Variants in RGS12 observed in about 807,000 individuals in gnomAD.
The protein encoded by RGS12 is regulator of G-protein signaling 12.
A neutral mutation model predicts 120.1 loss-of-function variants in RGS12; 66 were observed. The ratio of observed to expected loss-of-function variants is 0.55; its 90% CI spans 0.45 to 0.67. The LOEUF is 0.67. Among genes scored for constraint, RGS12 ranks in the 30% least tolerant of loss-of-function variants. The pLI, the probability that RGS12 is intolerant of heterozygous loss-of-function variation, is 0.00. For synonymous variants in RGS12, 827 were observed against 804.7 expected (o/e 1.03, Z -0.47); for missense variants, 1,859 against 1,957.7 (o/e 0.95, Z 0.95).
In RGS12 at chr4:3,300,563, G is replaced by A. The variant is rs183908601; in HGVS notation, c.-102+7464G>A. On this transcript the variant is annotated intron_variant, in intron 1 of 17. Coordinates refer to ENST00000336727, the MANE Select transcript of RGS12 (RefSeq NM_001394154.1). ...AGGGGCTAGCCCAGTAGCAGCCCCCGGTCCCGTCACAGTTCTGGAGACTGG... is the reference window on the plus strand; with the variant it reads ...AGGGGCTAGCCCAGTAGCAGCCCCCAGTCCCGTCACAGTTCTGGAGACTGG... 8.1e-4 allele frequency among the ~76,000 whole-genome samples: 124 copies of A among 152,226 alleles called. 1 individual carries two copies. The highest frequency in any genetic ancestry group is 2.7e-3 in the African/African-American group (110 of 41,506).
At chr4:3,346,427 A>C (rs1462562710) in intron 3 of RGS12, among the ~76,000 whole-genome samples, 2 of 152,224 alleles carry the variant, frequency 1.3e-5, no homozygotes, top group African/African-American at 4.8e-5. Context: ...TGCCCACAGC[A>C]TGAAGCTGTC....
intron 3 of RGS12, among the ~76,000 whole-genome samples, chr4:3,357,150 A>T (rs540648116): frequency 6.6e-6 from 1 of 152,072 alleles, no homozygotes; most frequent in Non-Finnish European, 1.5e-5. Context: ...GCATCTTTTC[A>T]TGTGCTTTTT....
intron 4 of RGS12, among the ~76,000 whole-genome samples, chr4:3,409,306 G>C (rs1721484788): frequency 6.6e-6 from 1 of 152,232 alleles, no homozygotes; most frequent in Non-Finnish European, 1.5e-5. Flanking sequence ...CAGGGGAGCC[G>C]AGCACACCAG....
At chr4:3,435,440 A>G (rs1724713417) in intron 17 of RGS12, among the ~76,000 whole-genome samples, 1 of 151,974 alleles carries the variant, frequency 6.6e-6, no homozygotes, top group Non-Finnish European at 1.5e-5. Context: ...TTTCTTGGGG[A>G]CACAGCCCCA....
At chr4:3,299,920 T>C (rs1340737204) in intron 1 of RGS12, among the ~76,000 whole-genome samples, 4 of 152,190 alleles carry the variant, frequency 2.6e-5, no homozygotes, top group African/African-American at 7.2e-5. Flanking sequence ...CTGGGTCTCC[T>C]CCAGGCTCAC....
intron 13 of RGS12, among the ~76,000 whole-genome samples, chr4:3,425,189 G>A (rs192784958): frequency 8.1e-4 from 124 of 152,256 alleles, no homozygotes; most frequent in Non-Finnish European, 1.4e-3. Context: ...TCATAGCAGC[G>A]TCCGAGGGTC....
In RGS12 at chr4:3,430,534, C is replaced by A. The variant is rs562737097; in HGVS notation, c.3693C>A (p.Leu1231=). The change falls in exon 17 of 18, where the codon CTC becomes CTA. Residue 1231 remains leucine (L), a synonymous_variant. Transcript: ENST00000336727. ...CTCCTGGTTCCACAGAACTCACCCT[C>A]CCCACTCCAGCTGCTGTGGCCAAGG... ...RLPPGSTELT[L]PTPAAVAKGF... is the part of the protein sequence containing the mutation. 56 of 1,613,436 alleles carry A rather than the reference C, an allele frequency of 3.5e-5. No individual in the cohort carries two copies. Among genetic ancestry groups the A allele is most frequent in the Non-Finnish European group, 4.6e-5 (54 of 1,180,024 alleles).
At position 3,318,029 on chromosome 4, in the gene RGS12, G is replaced by A. The variant is rs748051902; in HGVS notation, c.1859G>A (p.Arg620Gln). The stretch of plus-strand genomic sequence containing the variant: ...ATTTTTGGTCCCCATCGAAATGTTC[G>A]AAAGACTAAGGAAGATAAAAAGGTA... ...QSIFGPHRNVRKTKEDKKGSK... is the reference protein window; with the variant it reads ...QSIFGPHRNVQKTKEDKKGSK... Residue 620 changes from arginine (R) to glutamine (Q), a missense_variant, in exon 2 of 18, where the codon CGA becomes CAA. Coordinates refer to ENST00000336727, the MANE Select transcript of RGS12 (RefSeq NM_001394154.1). The A allele has an allele frequency of 2.2e-5, 36 of 1,610,800 alleles. No individual in the cohort carries two copies. Among genetic ancestry groups the A allele is most frequent in the South Asian group, 5.5e-5 (5 of 90,610 alleles).
Position 3,414,737 on chromosome 4 carries a change from C to A in RGS12, c.2191-15C>A. 6.4e-7 allele frequency: 1 copy of A among 1,567,842 alleles called. No homozygotes were observed. The highest frequency in any genetic ancestry group is 1.1e-5 in the South Asian group (1 of 90,052). On this transcript the variant is annotated splice_polypyrimidine_tract_variant and intron_variant, in intron 5 of 17. Coordinates refer to ENST00000336727, the MANE Select transcript of RGS12 (RefSeq NM_001394154.1). ...CTGTGTCAGTGTTAATAAATGGTGT[C>A]TTTGTCTTTCTTAGGATTTTCTAAG...
intron 6 of RGS12, 83 bp downstream of exon 6, chr4:3,414,927 G>A (rs969937256): frequency 2.1e-5 from 20 of 962,422 alleles, no homozygotes; most frequent in Middle Eastern, 2.1e-4. Context: ...AGAGGGCCAC[G>A]TGTGTGAGGG....
intron 17 of RGS12, among the ~76,000 whole-genome samples, chr4:3,434,827 G>C (rs1034523902): frequency 3.3e-5 from 5 of 152,212 alleles, no homozygotes; most frequent in Admixed American, 3.3e-4. Flanking sequence ...GAGCTGGGTG[G>C]TCTCACTGCT....
At chr4:3,385,386 T>G (rs2108963116) in intron 3 of RGS12, 1 of 153,228 alleles carries the variant, frequency 6.5e-6, no homozygotes, top group South Asian at 2.1e-4. Context: ...AGCTCCATTC[T>G]GCTCACCCCC....
At chr4:3,404,288 G>T (rs796767364) in intron 4 of RGS12, among the ~76,000 whole-genome samples, 1 of 152,210 alleles carries the variant, frequency 6.6e-6, no homozygotes, top group Non-Finnish European at 1.5e-5. Flanking sequence ...TTGTCCTGAG[G>T]CACAAGTCTC....
At chr4:3,436,647 C>G (rs1162284290) in intron 17 of RGS12, among the ~76,000 whole-genome samples, 1 of 152,200 alleles carries the variant, frequency 6.6e-6, no homozygotes, top group Non-Finnish European at 1.5e-5. Flanking sequence ...CTTTGAGGAC[C>G]AGGGTGGGGC....
chr4:3,299,581 G>A (rs891691170), intron 1 of RGS12, among the ~76,000 whole-genome samples: 2 of 152,096 alleles, frequency 1.3e-5, no homozygotes, highest in Non-Finnish European at 2.9e-5. Flanking sequence ...CAGAGCTGCC[G>A]GCACTTTGAT....
At position 3,316,644 on chromosome 4, in the gene RGS12, G is replaced by T. The variant is rs753105172; in HGVS notation, c.474G>T (p.Ala158=). The change falls in exon 2 of 18, where the codon GCG becomes GCT. Residue 158 remains alanine, a synonymous_variant. Transcript: ENST00000336727. The part of the protein sequence containing the change: ...NMIFENPSLC[A]SNSEPLKLKQ... Reference sequence around the variant, plus strand: ...TTTTTGAAAACCCGAGCCTTTGTGCGAGCAATTCAGAGCCCTTGAAATTGA... The same window carrying T: ...TTTTTGAAAACCCGAGCCTTTGTGCTAGCAATTCAGAGCCCTTGAAATTGA... 4.3e-6 allele frequency: 7 copies of T among 1,613,992 alleles called. No homozygotes were observed. The highest frequency in any genetic ancestry group is 5.9e-6 in the Non-Finnish European group (7 of 1,180,030).
intron 1 of RGS12, among the ~76,000 whole-genome samples, chr4:3,300,336 G>A (rs1259879071): frequency 6.6e-6 from 1 of 152,158 alleles, no homozygotes; most frequent in Admixed American, 6.5e-5. Context: ...CTGCCAGAGC[G>A]CCCTGCACTC....
rs1719351965 is a variant in RGS12 at position 3,390,315 on chromosome 4, G to A, written c.2020+3878G>A. 6.6e-6 allele frequency among the ~76,000 whole-genome samples: 1 copy of A among 152,196 alleles called. No individual in the cohort carries two copies. Among genetic ancestry groups the A allele is most frequent in the Admixed American group, 6.5e-5 (1 of 15,282 alleles). On this transcript the variant is annotated intron_variant, in intron 4 of 17. Coordinates refer to ENST00000336727, the MANE Select transcript of RGS12 (RefSeq NM_001394154.1). The surrounding 1 kb of genome is among the most constrained non-coding windows in gnomAD (Gnocchi z 4.6). Reference sequence around the variant, plus strand: ...CTGTGTTGGTGCTTTTGTCCCCCCAGCTGGTGTGACCTCCACGTGGCAGGT... The same window carrying A: ...CTGTGTTGGTGCTTTTGTCCCCCCAACTGGTGTGACCTCCACGTGGCAGGT...
Position 3,316,537 on chromosome 4 carries a change from A to G in RGS12, c.367A>G (p.Lys123Glu), listed in dbSNP as rs780718669. 6.2e-7 allele frequency: 1 copy of G among 1,614,054 alleles called. No individual in the cohort carries two copies. The highest frequency in any genetic ancestry group is 2.2e-5 in the East Asian group (1 of 44,890). ...TGAAGGAAAAGGCTGGCTGAAGCCCAAGCTGGATTCTAAAGCACTAGGTAT... is the reference window on the plus strand; with the variant it reads ...TGAAGGAAAAGGCTGGCTGAAGCCCGAGCTGGATTCTAAAGCACTAGGTAT... ...LYEGKGWLKPKLDSKALGINR... is the reference protein window; with the variant it reads ...LYEGKGWLKPELDSKALGINR... Residue 123 changes from lysine to glutamate, a missense_variant, in exon 2 of 18, where the codon AAG becomes GAG. This residue lies in a region of RGS12 where 967 missense variants were observed against 994.2 expected (regional missense o/e 0.97). Transcript: ENST00000336727.
Sources: allele counts gnomAD v4.1 joint callset (sites outside exome capture counted in the v4.1 genomes callset), GRCh38; gene constraint gnomAD v4.1.1; regional missense constraint gnomAD v4.1.1; non-coding constraint Gnocchi (gnomAD v3.1); transcripts MANE v1.5; gene names NCBI Gene and HGNC (gene_info 2026-07-23, HGNC 2026-07-21).